The following ANO6 variants were observed in gnomAD, a reference collection of about 807,000 sequenced individuals.
The protein encoded by ANO6 is anoctamin 6.
A neutral mutation model predicts 117.5 loss-of-function variants in ANO6; 106 were observed. The ratio of observed to expected loss-of-function variants is 0.90; its 90% CI spans 0.77 to 1.06. The LOEUF (loss-of-function observed/expected upper bound fraction) is 1.06, where lower values mean the gene tolerates loss of function less well. Ranked by LOEUF, ANO6 falls within the 50% of genes least tolerant of loss-of-function variation. The probability of loss-of-function intolerance (pLI) is 0.00; values close to 1 mark genes in which losing one functional copy is unlikely to be tolerated. For missense variants in ANO6, 955 were observed against 1,121.1 expected (o/e 0.85, Z 2.12); for synonymous variants, 367 against 385.1 (o/e 0.95, Z 0.55).
intron 1 of ANO6, among the ~76,000 whole-genome samples, chr12:45,298,696 A>G (rs932475355): frequency 1.3e-5 from 2 of 152,200 alleles, no homozygotes; most frequent in African/African-American, 2.4e-5. Flanking sequence ...ATTAGTTTCC[A>G]TTACCAGCAG....
chr12:45,227,296 G>A (rs893625382), intron 1 of ANO6, among the ~76,000 whole-genome samples: 20 of 152,278 alleles, frequency 1.3e-4, no homozygotes, highest in African/African-American at 4.8e-4. Context: ...CTTAGATGCT[G>A]CTTAAGAAGA....
At chr12:45,233,984 A>G (rs567406369) in intron 1 of ANO6, among the ~76,000 whole-genome samples, 3 of 152,368 alleles carry the variant, frequency 2.0e-5, no homozygotes, top group South Asian at 2.1e-4. Flanking sequence ...TAGAAAATGT[A>G]TTTTGAATTA....
intron 1 of ANO6, among the ~76,000 whole-genome samples, chr12:45,288,793 G>A (rs1346517705): frequency 6.6e-6 from 1 of 152,060 alleles, no homozygotes; most frequent in African/African-American, 2.4e-5. Context: ...TGTCGCCCAG[G>A]CTGGAGTGCA....
intron 12 of ANO6, among the ~76,000 whole-genome samples, chr12:45,393,121 A>G (rs1349827122): frequency 4.6e-5 from 7 of 152,244 alleles, no homozygotes; most frequent in African/African-American, 1.7e-4. Flanking sequence ...CAAATGGCTA[A>G]CTAGAATAAA....
intron 1 of ANO6, chr12:45,292,911 G>A (rs372432879): frequency 3.0e-5 from 46 of 1,551,338 alleles, no homozygotes; most frequent in African/African-American, 2.9e-4. Context: ...CTTTTGTTCT[G>A]CTGTGGAATG....
chr12:45,362,279 A>G (rs999113938), intron 8 of ANO6, among the ~76,000 whole-genome samples: 3 of 152,092 alleles, frequency 2.0e-5, no homozygotes, highest in Non-Finnish European at 4.4e-5. Context: ...TAGTTGGCTT[A>G]TAATTATGCA....
At chr12:45,270,404 C>T in intron 1 of ANO6, 1 of 1,506,680 alleles carries the variant, frequency 6.6e-7, no homozygotes, top group Non-Finnish European at 8.8e-7. Flanking sequence ...CTGTCTGCAG[C>T]CTAACACCAT....
chr12:45,410,893 T>G (rs1221335566), intron 16 of ANO6, among the ~76,000 whole-genome samples: 1 of 152,244 alleles, frequency 6.6e-6, no homozygotes, highest in African/African-American at 2.4e-5. Context: ...TAGTCAACAG[T>G]ACTTTGCAGC....
chr12:45,289,945 A>T (rs538563147), intron 1 of ANO6, among the ~76,000 whole-genome samples: 5 of 152,130 alleles, frequency 3.3e-5, no homozygotes, highest in South Asian at 4.1e-4. Context: ...GCTGAAAAAA[A>T]TTTTTTTGGT....
chr12:45,302,175 A>T, intron 2 of ANO6, 82 bp downstream of exon 2: 3 of 1,253,266 alleles, frequency 2.4e-6, no homozygotes, highest in Admixed American at 1.7e-5. Context: ...TCTTTTATGA[A>T]TTCATTCCTT....
intron 19 of ANO6, among the ~76,000 whole-genome samples, chr12:45,427,202 A>G (rs1943523907): frequency 6.6e-6 from 1 of 152,094 alleles, no homozygotes; most frequent in Non-Finnish European, 1.5e-5. Flanking sequence ...CAGAGCCACT[A>G]TCATTTTTTG....
intron 10 of ANO6, among the ~76,000 whole-genome samples, chr12:45,379,234 C>G (rs1442461670): frequency 1.3e-5 from 2 of 152,216 alleles, no homozygotes; most frequent in African/African-American, 4.8e-5. Context: ...ACGGTGTCCT[C>G]AGCAGTATTT....
Position 45,216,218 on chromosome 12 carries a change from C to T in ANO6, c.-104C>T. 3 of 1,358,344 alleles carry T rather than the reference C, an allele frequency of 2.2e-6. No homozygotes were observed. Among genetic ancestry groups the T allele is most frequent in the Non-Finnish European group, 3.1e-6 (3 of 975,222 alleles). 84.1% of individuals were successfully genotyped at this position (1,358,344 alleles called of 1,614,324 possible). ...CAGCGGCCCCTGAGCCCAAGCGACACACGCCCCGCGGTCCCCGATCCGGCC... is the reference window on the plus strand; with the variant it reads ...CAGCGGCCCCTGAGCCCAAGCGACATACGCCCCGCGGTCCCCGATCCGGCC... On this transcript the variant is annotated 5_prime_UTR_variant, in exon 1 of 20. Transcript: ENST00000320560.
chr12:45,353,164 T>C (rs926045355), intron 7 of ANO6, among the ~76,000 whole-genome samples: 1 of 152,238 alleles, frequency 6.6e-6, no homozygotes. Context: ...TCTTTTGTTA[T>C]GATAGCAGCT....
rs183853783 is a variant in ANO6 at position 45,377,407 on chromosome 12, G to A, written c.1105-646G>A. 1.4e-3 allele frequency among the ~76,000 whole-genome samples: 218 copies of A among 152,244 alleles called. 1 individual carries two copies. Among genetic ancestry groups the A allele is most frequent in the Non-Finnish European group, 2.7e-3 (186 of 67,994 alleles). ...AATAAAGCCTTATTTGGCCAGATAC[G>A]TTATTTATCATTCATGATCATTGTA... On this transcript the variant is annotated intron_variant, in intron 9 of 19. Coordinates refer to ENST00000320560, the MANE Select transcript of ANO6 (RefSeq NM_001025356.3).
intron 10 of ANO6, among the ~76,000 whole-genome samples, chr12:45,384,611 C>T (rs749655718): frequency 5.3e-5 from 8 of 152,192 alleles, no homozygotes; most frequent in Admixed American, 3.3e-4. Context: ...GGGAAGCAGC[C>T]AGTCAGTGGA....
chr12:45,243,340 T>A (rs2137169915), intron 1 of ANO6, among the ~76,000 whole-genome samples: 1 of 152,238 alleles, frequency 6.6e-6, no homozygotes, highest in African/African-American at 2.4e-5. Flanking sequence ...TGTAATAAGT[T>A]GTTTAATAGC....
At chr12:45,393,487 A>G (rs1163820783) in intron 12 of ANO6, among the ~76,000 whole-genome samples, 1 of 152,218 alleles carries the variant, frequency 6.6e-6, no homozygotes, top group Non-Finnish European at 1.5e-5. Flanking sequence ...TTCAGGAAAT[A>G]CAGAGAACAC....
At chr12:45,369,603 ATAAG>A (rs1240426244) in intron 9 of ANO6, among the ~76,000 whole-genome samples, 3 of 152,298 alleles carry the variant, frequency 2.0e-5, no homozygotes, top group Middle Eastern at 3.4e-3. Flanking sequence ...ATGAAAGAAT[ATAAG>A]TAAGGGGACT....
Sources: allele counts gnomAD v4.1 joint callset (sites outside exome capture counted in the v4.1 genomes callset), GRCh38; gene constraint gnomAD v4.1.1; transcripts MANE v1.5; gene names NCBI Gene and HGNC (gene_info 2026-07-23, HGNC 2026-07-21).